Variants in PLCL1 observed in about 807,000 individuals in gnomAD.
PLCL1 encodes the protein inactive phospholipase C-like protein 1.
PLCL1 carries 41 observed loss-of-function variants against 84.4 expected under a neutral mutation model. The observed-to-expected ratio is 0.49, with a 90% confidence interval of 0.38 to 0.63. The LOEUF (loss-of-function observed/expected upper bound fraction) is 0.63. Ranked by LOEUF, PLCL1 falls within the 30% of genes least tolerant of loss-of-function variation. PLCL1 has a pLI of 0.00. For synonymous variants in PLCL1, 490 were observed against 488.3 expected, an observed-to-expected ratio of 1.00 and a Z score of -0.05; for missense variants, 1,206 against 1,367.8, an observed-to-expected ratio of 0.88 and a Z score of 1.87.
chr2:197,959,605 C>G (rs934830959), intron 1 of PLCL1, among the ~76,000 whole-genome samples: 4 of 151,950 alleles, frequency 2.6e-5, no homozygotes, highest in African/African-American at 9.7e-5. Flanking sequence ...GTGGAACACA[C>G]CCTGAAAAGT....
At position 198,036,551 on chromosome 2, in the gene PLCL1, G is replaced by T. The variant is rs181474593; in HGVS notation, c.241-47207G>T. On this transcript the variant is annotated intron_variant, in intron 1 of 5. Transcript: ENST00000428675. ...ATTGGGGGCAAATGAGACTTTTGGG[G>T]TTCCTTCTATATCATAGAATGGATG... Among the ~76,000 whole-genome samples the T allele has an allele frequency of 4.5e-4, 68 of 152,252 alleles. 1 individual carries two copies. In the East Asian group the frequency reaches 0.011, roughly 26 times the overall value.
intron 1 of PLCL1, among the ~76,000 whole-genome samples, chr2:197,903,930 G>A (rs1243483537): frequency 6.6e-6 from 1 of 151,344 alleles, no homozygotes; most frequent in Non-Finnish European, 1.5e-5. Flanking sequence ...AGCCTCCCGA[G>A]TAGCTGGGAT....
intron 1 of PLCL1, among the ~76,000 whole-genome samples, chr2:198,051,507 T>C (rs573501587): frequency 6.6e-6 from 1 of 152,288 alleles, no homozygotes; most frequent in Non-Finnish European, 1.5e-5. Context: ...GTTTACACTT[T>C]AAGAATATGT....
At position 197,887,312 on chromosome 2, in the gene PLCL1, G is replaced by A. The variant is rs371586643; in HGVS notation, c.240+81973G>A. Among the ~76,000 whole-genome samples, 119 of 152,302 alleles carry A rather than the reference G, an allele frequency of 7.8e-4. No homozygotes were observed. In the South Asian group the frequency reaches 0.025, roughly 32 times the overall value. On this transcript the variant is annotated intron_variant, in intron 1 of 5. Transcript: ENST00000428675. ...ATTCAGTTAATTCTGAGGGAGGGGAGACATTTGAGTTGTCTTCAGTATTTT... is the reference window on the plus strand; with the variant it reads ...ATTCAGTTAATTCTGAGGGAGGGGAAACATTTGAGTTGTCTTCAGTATTTT...
intron 1 of PLCL1, among the ~76,000 whole-genome samples, chr2:198,014,334 G>T (rs960344318): frequency 1.6e-4 from 24 of 152,044 alleles, no homozygotes; most frequent in African/African-American, 5.8e-4. Flanking sequence ...GCATCAGACT[G>T]CTTGAGTTCA....
chr2:198,144,414 A>G (rs1013386257), intron 5 of PLCL1, among the ~76,000 whole-genome samples: 1 of 152,198 alleles, frequency 6.6e-6, no homozygotes, highest in Non-Finnish European at 1.5e-5. Flanking sequence ...TCTCTGTAAA[A>G]CAGACTCTGG....
At chr2:197,811,228 C>A (rs1053802460) in intron 1 of PLCL1, among the ~76,000 whole-genome samples, 1 of 152,140 alleles carries the variant, frequency 6.6e-6, no homozygotes, top group African/African-American at 2.4e-5. Context: ...GCCAAACGGC[C>A]AACTTCTGTA....
At chr2:197,807,335 T>C (rs1690505772) in intron 1 of PLCL1, among the ~76,000 whole-genome samples, 1 of 95,750 alleles carries the variant, frequency 1.0e-5, no homozygotes, top group Admixed American at 1.0e-4. Flanking sequence ...CTATAGCAGC[T>C]CCTGATTTCT....
chr2:198,115,206 A>G (rs1693714421), intron 5 of PLCL1, among the ~76,000 whole-genome samples: 2 of 151,858 alleles, frequency 1.3e-5, no homozygotes, highest in Admixed American at 6.6e-5. Flanking sequence ...GAGTGGGTCA[A>G]AGTTCCAGGG....
intron 5 of PLCL1, among the ~76,000 whole-genome samples, chr2:198,142,760 A>G (rs1694419372): frequency 6.7e-6 from 1 of 149,950 alleles, no homozygotes; most frequent in East Asian, 2.0e-4. Flanking sequence ...GGCGCTCTCT[A>G]TTACCCTCAC....
chr2:197,976,999 T>TCACTGCTCAAATGGCTCA (rs1689996116), intron 1 of PLCL1, among the ~76,000 whole-genome samples: 1 of 152,292 alleles, frequency 6.6e-6, no homozygotes, highest in East Asian at 1.9e-4. Flanking sequence ...GACCGTTTGG[T>TCACTGCTCAAATGGCTCA]CTGCCATTTG....
At chr2:197,863,316 T>C (rs995787541) in intron 1 of PLCL1, among the ~76,000 whole-genome samples, 1 of 152,162 alleles carries the variant, frequency 6.6e-6, no homozygotes, top group African/African-American at 2.4e-5. Flanking sequence ...GTTTTCTCCA[T>C]TAAAAATTTG....
chr2:197,830,611 C>T (rs1437425585), intron 1 of PLCL1, among the ~76,000 whole-genome samples: 2 of 152,024 alleles, frequency 1.3e-5, no homozygotes, highest in Non-Finnish European at 2.9e-5. Flanking sequence ...GGATATTATC[C>T]AGGAGAACTT....
chr2:197,973,789 G>T lies in PLCL1; in HGVS notation c.241-109969G>T, dbSNP rs996095527. On this transcript the variant is annotated intron_variant, in intron 1 of 5. Transcript: ENST00000428675. Reference sequence around the variant, plus strand: ...GGTCAAGTGGGCCTTGCAGGCCATGGGGAAAAATTTGGATTTTATTGTAAG... The same window carrying T: ...GGTCAAGTGGGCCTTGCAGGCCATGTGGAAAAATTTGGATTTTATTGTAAG... Among the ~76,000 whole-genome samples the T allele has an allele frequency of 2.6e-5, 4 of 152,166 alleles. 1 individual carries two copies. The highest frequency in any genetic ancestry group is 5.9e-5 in the Non-Finnish European group (4 of 68,032).
intron 1 of PLCL1, among the ~76,000 whole-genome samples, chr2:197,935,762 AAAGTTAAAAGAG>A (rs1689040679): frequency 6.6e-6 from 1 of 152,108 alleles, no homozygotes; most frequent in Non-Finnish European, 1.5e-5. Context: ...CTTGAACGTA[AAAGTTAAAAGAG>A]AATCTCTCTT....
chr2:198,004,811 C>T (rs1428342775), intron 1 of PLCL1, among the ~76,000 whole-genome samples: 1 of 152,154 alleles, frequency 6.6e-6, no homozygotes, highest in African/African-American at 2.4e-5. Flanking sequence ...TAAACGCCTC[C>T]TGCATCTTTT....
At chr2:198,086,344 G>C (rs1222783099) in intron 2 of PLCL1, 112 bp downstream of exon 2, 2 of 771,334 alleles carry the variant, frequency 2.6e-6, no homozygotes, top group Non-Finnish European at 4.1e-6. Context: ...TTTAAGTCTG[G>C]GTGTGGTGAC....
intron 1 of PLCL1, among the ~76,000 whole-genome samples, chr2:197,850,597 A>G (rs1687215598): frequency 6.6e-6 from 1 of 152,162 alleles, no homozygotes; most frequent in South Asian, 2.1e-4. Context: ...ATAAACCCGA[A>G]GGCCATATAC....
At chr2:198,057,209 C>T (rs1692089838) in intron 1 of PLCL1, among the ~76,000 whole-genome samples, 1 of 152,074 alleles carries the variant, frequency 6.6e-6, no homozygotes. Flanking sequence ...TTGTATTCCT[C>T]TCAAACAGTA....
Sources: allele counts gnomAD v4.1 joint callset (sites outside exome capture counted in the v4.1 genomes callset), GRCh38; gene constraint gnomAD v4.1.1; transcripts MANE v1.5; gene names NCBI Gene and HGNC (gene_info 2026-07-23, HGNC 2026-07-21).